Variants in SAMD5 observed in about 807,000 individuals in gnomAD.
SAMD5 encodes sterile alpha motif domain containing 5, also known as sterile alpha motif domain-containing protein 5.
Under a neutral mutation model 11.3 loss-of-function variants are expected in SAMD5, and 13 were observed. The observed-to-expected ratio is 1.15, with a 90% CI of 0.75 to 1.83. The LOEUF is 1.83. Ranked by LOEUF, SAMD5 falls within the 40% of genes most tolerant of loss-of-function variation. The pLI is 0.00. For missense variants in SAMD5, 255 were observed against 239.1 expected (o/e 1.07, Z -0.44); for synonymous variants, 129 against 111.3 (o/e 1.16, Z -1.00).
chr6:147,856,687 G>T, the SAMD5 span, among the ~76,000 whole-genome samples: 3 of 152,072 alleles, frequency 2.0e-5, no homozygotes, highest in Non-Finnish European at 4.4e-5. Flanking sequence ...CTGAGCCAAA[G>T]GATCCAAAGC....
the SAMD5 span, among the ~76,000 whole-genome samples, chr6:147,861,036 G>A: frequency 2.6e-5 from 4 of 152,288 alleles, no homozygotes; most frequent in South Asian, 6.2e-4. Context: ...AAGGAAAGCA[G>A]AAATTAAGTC....
At chr6:147,853,116 A>G in the SAMD5 span, among the ~76,000 whole-genome samples, 3 of 152,158 alleles carry the variant, frequency 2.0e-5, no homozygotes, top group Non-Finnish European at 4.4e-5. Context: ...CTTCTAAAGA[A>G]TGGTAAAGTT....
downstream of SAMD5, among the ~76,000 whole-genome samples, chr6:147,572,649 C>T (rs981507260): frequency 1.3e-5 from 2 of 152,132 alleles, no homozygotes; most frequent in African/African-American, 2.4e-5. Flanking sequence ...TATATTCCTA[C>T]TGTGAATTAT....
the SAMD5 span, among the ~76,000 whole-genome samples, chr6:147,948,023 G>A: frequency 6.6e-6 from 1 of 151,726 alleles, no homozygotes; most frequent in East Asian, 1.9e-4. Flanking sequence ...CATCTGTACG[G>A]TATTAATGTT....
chr6:147,897,082 A>G, the SAMD5 span, among the ~76,000 whole-genome samples: 3 of 152,186 alleles, frequency 2.0e-5, no homozygotes, highest in African/African-American at 7.2e-5. Context: ...TTCTAAAATG[A>G]AAGTATGATG....
chr6:147,880,898 A>T, the SAMD5 span, among the ~76,000 whole-genome samples: 2 of 152,166 alleles, frequency 1.3e-5, no homozygotes, highest in Non-Finnish European at 2.9e-5. Flanking sequence ...AATTACCCTT[A>T]ACTTGATATC....
the SAMD5 span, among the ~76,000 whole-genome samples, chr6:147,827,239 T>C: frequency 6.6e-6 from 1 of 151,894 alleles, no homozygotes; most frequent in Non-Finnish European, 1.5e-5. Flanking sequence ...CTGAAGCCCT[T>C]GGAAAGTTAA....
At chr6:147,753,446 A>C in the SAMD5 span, among the ~76,000 whole-genome samples, 1 of 152,210 alleles carries the variant, frequency 6.6e-6, no homozygotes, top group Admixed American at 6.5e-5. Flanking sequence ...GTAGGTGTAC[A>C]TATTTTATGG....
chr6:147,872,551 T>C, the SAMD5 span, among the ~76,000 whole-genome samples: 3 of 152,350 alleles, frequency 2.0e-5, no homozygotes, highest in Non-Finnish European at 4.4e-5. Flanking sequence ...GTTGGGTTCC[T>C]TGCCAAAGGT....
chr6:147,872,279 TTA>T, the SAMD5 span, among the ~76,000 whole-genome samples: 1 of 151,916 alleles, frequency 6.6e-6, no homozygotes, highest in African/African-American at 2.4e-5. Flanking sequence ...CTGTTTTTTT[TTA>T]GAGATGGGGT....
the SAMD5 span, among the ~76,000 whole-genome samples, chr6:147,920,730 G>T: frequency 6.6e-6 from 1 of 152,176 alleles, no homozygotes; most frequent in Non-Finnish European, 1.5e-5. Flanking sequence ...AAGAACACTT[G>T]GTTCAGAAGC....
intron 1 of SAMD5, among the ~76,000 whole-genome samples, chr6:147,509,822 C>T (rs1442723611): frequency 6.6e-6 from 1 of 152,164 alleles, no homozygotes; most frequent in East Asian, 1.9e-4. Flanking sequence ...TTGAGAAACT[C>T]CTAAGGGAAA....
At chr6:147,561,470 G>T (rs775417153) in intron 1 of SAMD5, among the ~76,000 whole-genome samples, 1 of 152,158 alleles carries the variant, frequency 6.6e-6, no homozygotes, top group Non-Finnish European at 1.5e-5. Flanking sequence ...GATTACAGGC[G>T]TGAGCCACTG....
At chr6:147,941,619 A>T in the SAMD5 span, among the ~76,000 whole-genome samples, 1 of 152,230 alleles carries the variant, frequency 6.6e-6, no homozygotes, top group African/African-American at 2.4e-5. Flanking sequence ...AAATGTGAAT[A>T]CCACAACATA....
intron 1 of SAMD5, among the ~76,000 whole-genome samples, chr6:147,665,325 G>A (rs1011586525): frequency 6.6e-6 from 1 of 152,094 alleles, no homozygotes; most frequent in African/African-American, 2.4e-5. Context: ...AATAATATGG[G>A]GAAAACAGGG....
chr6:147,869,688 A>G, the SAMD5 span, among the ~76,000 whole-genome samples: 1 of 152,170 alleles, frequency 6.6e-6, no homozygotes. Context: ...ACTTGTAATC[A>G]ATATAATTAT....
intron 1 of SAMD5, among the ~76,000 whole-genome samples, chr6:147,703,938 C>T (rs1293810157): frequency 6.6e-6 from 1 of 152,132 alleles, no homozygotes; most frequent in Non-Finnish European, 1.5e-5. Context: ...CTCTGACGCC[C>T]AGGCTGGAGT....
the SAMD5 span, among the ~76,000 whole-genome samples, chr6:147,790,746 CTCTCTCTCTTTCTCTCTCTCTCTT>C: frequency 4.3e-4 from 44 of 103,428 alleles, no homozygotes; most frequent in African/African-American, 1.9e-3. Context: ...CTCTCTCTCT[CTCTCTCTCTTTCTCTCTCTCTCTT>C]TCTCTCTCTC....
rs181316292 is a variant in SAMD5, at chr6:147,609,891, T to C, written c.162+100504T>C. The stretch of plus-strand genomic sequence containing the variant: ...TATTTAGTGGATCAAAGAAAAATAC[T>C]TGTCCTATGTAAGCATTTCTATTTT... On this transcript the variant is annotated intron_variant, in intron 1 of 1. Coordinates refer to the SAMD5 transcript ENST00000566741. Among the ~76,000 whole-genome samples, 11 of 152,302 alleles carry C rather than the reference T, an allele frequency of 7.2e-5. No homozygotes were observed. The East Asian group carries it at 1.7e-3, about 24-fold the overall frequency.
Sources: allele counts gnomAD v4.1 joint callset (sites outside exome capture counted in the v4.1 genomes callset), GRCh38; gene constraint gnomAD v4.1.1; transcripts MANE v1.5; gene names NCBI Gene and HGNC (gene_info 2026-07-23, HGNC 2026-07-21).